The following ADGRL3 variants were observed in gnomAD, a reference collection of about 807,000 sequenced individuals.
ADGRL3 encodes the protein calcium-independent alpha-latrotoxin receptor 3.
A neutral mutation model predicts 153.5 loss-of-function variants in ADGRL3; 62 were observed. The observed-to-expected ratio is 0.40, with a 90% CI of 0.33 to 0.50. ADGRL3 has a LOEUF of 0.50. ADGRL3 is among the 20% of genes least tolerant of loss of function. ADGRL3 has a pLI of 0.47. For synonymous variants in ADGRL3, 710 were observed against 672.5 expected (o/e 1.06, Z -0.86); for missense variants, 1,641 against 1,859.4 (o/e 0.88, Z 2.16).
intron 4 of ADGRL3, among the ~76,000 whole-genome samples, chr4:61,532,391 A>G (rs900919309): frequency 2.6e-5 from 4 of 152,088 alleles, no homozygotes; most frequent in Non-Finnish European, 5.9e-5. Context: ...GCTACTCATT[A>G]TTGTTGGTCC....
chr4:61,337,837 T>C (rs1324927583), intron 1 of ADGRL3, among the ~76,000 whole-genome samples: 1 of 152,186 alleles, frequency 6.6e-6, no homozygotes, highest in Non-Finnish European at 1.5e-5. Flanking sequence ...GGGCAGAGCA[T>C]TAACCTGCAA....
chr4:62,025,954 C>G (rs1309459105), intron 21 of ADGRL3, among the ~76,000 whole-genome samples: 1 of 152,050 alleles, frequency 6.6e-6, no homozygotes, highest in Non-Finnish European at 1.5e-5. Flanking sequence ...AGCATGGCAA[C>G]ATTACCATCA....
At chr4:61,587,047 A>C (rs2098949310) in intron 4 of ADGRL3, among the ~76,000 whole-genome samples, 180 bp from the exon 5 acceptor site, 1 of 152,160 alleles carries the variant, frequency 6.6e-6, no homozygotes, top group African/African-American at 2.4e-5. Flanking sequence ...GTTAGATTAG[A>C]AGAAAAATAT....
At chr4:61,485,367 T>C (rs2098179114) in intron 2 of ADGRL3, among the ~76,000 whole-genome samples, 1 of 152,194 alleles carries the variant, frequency 6.6e-6, no homozygotes, top group Admixed American at 6.5e-5. Context: ...ATGTAAAGAA[T>C]TTTTTAAATT....
chr4:61,316,465 TA>T (rs2095218095), intron 1 of ADGRL3, among the ~76,000 whole-genome samples: 1 of 152,174 alleles, frequency 6.6e-6, no homozygotes, highest in Non-Finnish European at 1.5e-5. Flanking sequence ...CCATTAAAAG[TA>T]ATTGCAAAAA....
intron 24 of ADGRL3, 92 bp from the exon 25 acceptor site, chr4:62,044,361 T>C: frequency 6.0e-6 from 5 of 829,584 alleles, no homozygotes; most frequent in Non-Finnish European, 9.9e-6. Context: ...AACAAAGGTC[T>C]CATATAATTA....
intron 8 of ADGRL3, among the ~76,000 whole-genome samples, chr4:61,803,769 A>C (rs1053044621): frequency 1.6e-4 from 24 of 152,084 alleles, no homozygotes; most frequent in African/African-American, 5.6e-4. Flanking sequence ...AATACACAGT[A>C]TCTTAAAATC....
At chr4:61,503,130 G>A (rs1302035282) in intron 3 of ADGRL3, among the ~76,000 whole-genome samples, 1 of 152,108 alleles carries the variant, frequency 6.6e-6, no homozygotes, top group African/African-American at 2.4e-5. Flanking sequence ...AAACATGCAT[G>A]GCTGATAGCT....
At chr4:61,229,145 TTTGA>T (rs1749374670) in intron 1 of ADGRL3, among the ~76,000 whole-genome samples, 1 of 152,188 alleles carries the variant, frequency 6.6e-6, no homozygotes, top group South Asian at 2.1e-4. Flanking sequence ...AGGCTGAGGC[TTTGA>T]TTATTTTAAA....
At chr4:61,468,997 G>A (rs552827294) in intron 2 of ADGRL3, among the ~76,000 whole-genome samples, 2 of 152,190 alleles carry the variant, frequency 1.3e-5, no homozygotes, top group African/African-American at 4.8e-5. Flanking sequence ...CAGAGCTCTA[G>A]ACTGTACGCT....
chr4:61,470,298 A>G (rs1234852843), intron 2 of ADGRL3, among the ~76,000 whole-genome samples: 1 of 151,926 alleles, frequency 6.6e-6, no homozygotes. Flanking sequence ...GCCTTGACTC[A>G]TTCCAGGTAA....
chr4:61,906,320 C>G (rs1178763548), intron 11 of ADGRL3: 1 of 151,996 alleles, frequency 6.6e-6, no homozygotes, highest in African/African-American at 2.4e-5. Flanking sequence ...ATGGGCTGAT[C>G]AGATGGTAGT....
chr4:61,285,394 G>T (rs945902906), intron 1 of ADGRL3, among the ~76,000 whole-genome samples: 1 of 151,748 alleles, frequency 6.6e-6, no homozygotes, highest in Non-Finnish European at 1.5e-5. Flanking sequence ...TAAATTTGAG[G>T]AAATACATTT....
chr4:61,544,207 C>A (rs1413112170), intron 4 of ADGRL3, among the ~76,000 whole-genome samples: 1 of 152,114 alleles, frequency 6.6e-6, no homozygotes, highest in East Asian at 1.9e-4. Context: ...TGAGTCAGCT[C>A]CCCTTTCTTC....
chr4:61,951,496 C>T lies in ADGRL3; in HGVS notation c.2805+3220C>T, dbSNP rs78699026. On this transcript the variant is annotated intron_variant, in intron 17 of 26. Coordinates refer to ENST00000683033, the MANE Select transcript of ADGRL3 (RefSeq NM_001387552.1). ...TTGCTAGATCTCTAAACAATAATAG[C>T]ACCAGTTTATGTTGCAATGTTAGAC... Among the ~76,000 whole-genome samples, 1,079 of 152,268 alleles carry T rather than the reference C, an allele frequency of 7.1e-3. 8 individuals are homozygous for T. The highest frequency in any genetic ancestry group is 0.011 in the Non-Finnish European group (744 of 68,026).
intron 3 of ADGRL3, among the ~76,000 whole-genome samples, chr4:61,505,713 G>A (rs774076971): frequency 6.6e-6 from 1 of 151,524 alleles, no homozygotes; most frequent in African/African-American, 2.4e-5. Context: ...TCTGCAAATT[G>A]CTGAATGCCT....
chr4:61,857,621 GTTT>G (rs113363674), intron 9 of ADGRL3, among the ~76,000 whole-genome samples: 1 of 147,538 alleles, frequency 6.8e-6, no homozygotes, highest in Non-Finnish European at 1.5e-5. Flanking sequence ...CAACTGTTGT[GTTT>G]TTTTTTTCTT....
At chr4:61,363,793 T>G (rs1372137897) in intron 1 of ADGRL3, among the ~76,000 whole-genome samples, 1 of 152,082 alleles carries the variant, frequency 6.6e-6, no homozygotes, top group Non-Finnish European at 1.5e-5. Context: ...CGCTTTAAGG[T>G]ATCTCATAGT....
chr4:61,567,162 G>C (rs1187009262), intron 4 of ADGRL3, among the ~76,000 whole-genome samples: 1 of 152,140 alleles, frequency 6.6e-6, no homozygotes, highest in Non-Finnish European at 1.5e-5. Flanking sequence ...TTCCAGATGA[G>C]AGAACTAAGA....
Sources: gnomAD v4.1 joint callset for allele counts (sites outside exome capture counted in the v4.1 genomes callset) on GRCh38, gnomAD v4.1.1 for gene constraint, MANE v1.5 for transcripts, NCBI Gene and HGNC (gene_info 2026-07-23, HGNC 2026-07-21) for gene names.